SLC6A7: variants seen among roughly 807,000 people sequenced by gnomAD.
The protein encoded by SLC6A7 is solute carrier family 6 member 7, also known as sodium-dependent proline transporter.
A neutral mutation model predicts 73.1 loss-of-function variants in SLC6A7; 58 were observed. The ratio of observed to expected loss-of-function variants is 0.79; its 90% CI spans 0.64 to 0.99. The LOEUF is 0.99. Ranked by LOEUF, SLC6A7 falls within the 50% of genes least tolerant of loss-of-function variation. SLC6A7 has a pLI of 0.00. For missense variants in SLC6A7, 783 were observed against 831.4 expected (o/e 0.94, Z 0.72); for synonymous variants, 338 against 338.7 (o/e 1.00, Z 0.02).
Position 150,210,032 on chromosome 5 carries a change from G to A in SLC6A7, c.*417G>A, listed in dbSNP as rs1359001940. 2 of 221,390 alleles carry A rather than the reference G, an allele frequency of 9.0e-6. No homozygotes were observed. The highest frequency in any genetic ancestry group is 7.8e-5 in the South Asian group (1 of 12,786). 13.7% of individuals were successfully genotyped at this position (221,390 alleles called of 1,614,324 possible). ...GCCTACACCCCTCCCTTTTTGGGGG[G>A]AGCCTGTCCCCACACACCTTAGCAC... On this transcript the variant is annotated 3_prime_UTR_variant, in exon 14 of 14. Coordinates refer to ENST00000230671, the MANE Select transcript of SLC6A7 (RefSeq NM_014228.5).
At chr5:150,199,895 C>A (rs115455072) in intron 5 of SLC6A7, among the ~76,000 whole-genome samples, 1 of 152,144 alleles carries the variant, frequency 6.6e-6, no homozygotes, top group East Asian at 1.9e-4. Context: ...CAGCTCTAGG[C>A]GTACATCTAA....
chr5:150,191,308 T>A (rs1458474428), intron 1 of SLC6A7, among the ~76,000 whole-genome samples: 1 of 152,132 alleles, frequency 6.6e-6, no homozygotes, highest in East Asian at 1.9e-4. Context: ...GGGCTGGTGT[T>A]ATCAACCTCC....
chr5:150,205,288 T>TG (rs5872166), intron 12 of SLC6A7, among the ~76,000 whole-genome samples, 168 bp from the exon 13 acceptor site: 152,298 of 152,300 alleles, frequency 1, 76,148 homozygotes, highest in Non-Finnish European at 1. Context: ...GGCTAAACCC[T>TG]CAAAGGCTCC....
chr5:150,197,372 G>T, intron 4 of SLC6A7, 96 bp downstream of exon 4: 1 of 774,606 alleles, frequency 1.3e-6, no homozygotes, highest in Non-Finnish European at 2.1e-6. Flanking sequence ...GTACCGCCAA[G>T]ATGAGCTCAG....
intron 12 of SLC6A7, among the ~76,000 whole-genome samples, 200 bp from the exon 13 acceptor site, chr5:150,205,256 T>G (rs13170839): frequency 0.3 from 45,199 of 149,742 alleles, 7,127 homozygotes; most frequent in Admixed American, 0.41. Flanking sequence ...GCCTTGGTGT[T>G]GGGTCAGCTT....
At position 150,207,605 on chromosome 5, in the gene SLC6A7, G is replaced by A. The variant is rs374032484; in HGVS notation, c.1702-1801G>A. Among the ~76,000 whole-genome samples the A allele has an allele frequency of 2.2e-4, 34 of 152,316 alleles. No individual in the cohort carries two copies. In the East Asian group the frequency reaches 4.6e-3, roughly 21 times the overall value. On this transcript the variant is annotated intron_variant, in intron 13 of 13. Coordinates refer to ENST00000230671, the MANE Select transcript of SLC6A7 (RefSeq NM_014228.5). ...GAAGTTTATCAATATAGTCTGCATT[G>A]TGAAAGGCAGAAAAGCAAAATATTT...
rs865996489 is a variant in SLC6A7 at position 150,205,587 on chromosome 5, G to A, written c.1665G>A (p.Leu555=). ...LSCLMIPAGM[L]VAVLREEGSL... ...GCCTCATGATCCCAGCTGGCATGCT[G>A]GTGGCTGTGCTTCGAGAAGAGGGCT... The change falls in exon 13 of 14, where the codon CTG becomes CTA. Residue 555 remains leucine, a synonymous_variant. Coordinates refer to ENST00000230671, the MANE Select transcript of SLC6A7 (RefSeq NM_014228.5). The A allele has an allele frequency of 1.9e-6, 3 of 1,613,168 alleles. No individual in the cohort carries two copies. Among genetic ancestry groups the A allele is most frequent in the Middle Eastern group, 3.3e-4 (2 of 6,036 alleles).
chr5:150,204,922 C>T lies in SLC6A7; in HGVS notation c.1528C>T (p.Leu510Phe). Reference protein sequence around the residue: ...ACWLFLSPATLLALMVYSIVK... With the variant: ...ACWLFLSPATFLALMVYSIVK... ...CTGGCTGTTCCTGTCCCCAGCCACG[C>T]TCTTGGTAACTGGGGAGGGCGGGAG... The change falls in exon 12 of 14, where the codon CTC becomes TTC. Residue 510 changes from leucine (L) to phenylalanine (F), a missense_variant. Transcript: ENST00000230671. 1.2e-6 allele frequency: 1 copy of T among 862,726 alleles called. No individual in the cohort carries two copies. Among genetic ancestry groups the T allele is most frequent in the Non-Finnish European group, 1.9e-6 (1 of 527,558 alleles). 53.4% of individuals were successfully genotyped at this position (862,726 alleles called of 1,614,324 possible).
At chr5:150,205,394 C>A in intron 12 of SLC6A7, 62 bp from the exon 13 acceptor site, 1 of 1,305,494 alleles carries the variant, frequency 7.7e-7, no homozygotes, top group Admixed American at 2.6e-5. Flanking sequence ...GGCTGGGCTA[C>A]CTCGGGCCTT....
At position 150,202,459 on chromosome 5, in the gene SLC6A7, C is replaced by T. The variant is rs940028242; in HGVS notation, c.962+9C>T. On this transcript the variant is annotated intron_variant, in intron 7 of 13. Transcript: ENST00000230671. ...CACCAGAACATCTATAGGTCAGTGT[C>T]CCACAGCCTCCCAGACCCTGGGGTC... 3 of 1,611,942 alleles carry T rather than the reference C, an allele frequency of 1.9e-6. No homozygotes were observed. The highest frequency in any genetic ancestry group is 1.3e-5 in the African/African-American group (1 of 74,900).
chr5:150,204,788 C>CGGCGGGT, intron 11 of SLC6A7, 39 bp from the exon 12 acceptor site: 1 of 1,474,246 alleles, frequency 6.8e-7, no homozygotes, highest in Non-Finnish European at 9.5e-7. Flanking sequence ...TTTGTGGGGC[C>CGGCGGGT]GGCGGGTGGG....
At chr5:150,192,466 G>A (rs1365118624) in intron 1 of SLC6A7, among the ~76,000 whole-genome samples, 1 of 152,178 alleles carries the variant, frequency 6.6e-6, no homozygotes, top group Non-Finnish European at 1.5e-5. Context: ...CACCCAGGAA[G>A]AAGTATGAAG....
intron 4 of SLC6A7, 118 bp downstream of exon 4, chr5:150,197,394 A>G (rs2113972283): frequency 1.5e-6 from 1 of 648,848 alleles, no homozygotes; most frequent in African/African-American, 1.8e-5. Flanking sequence ...TGGTGATGGC[A>G]GGTGGACTCT....
In SLC6A7 at chr5:150,209,554, T is replaced by G. The variant is rs1300507225; in HGVS notation, c.1850T>G (p.Phe617Cys). ...CGCAAGTACGGGGGCATCACCAGCT[T>G]CGAGAACACGGCCATCGAGGTGGAC... ...HMRKYGGITS[F>C]ENTAIEVDRE... Residue 617 changes from phenylalanine (F) to cysteine (C), a missense_variant, in exon 14 of 14, where the codon TTC (phenylalanine) becomes TGC (cysteine). Phe to Cys is a radical substitution (Grantham distance 205). Transcript: ENST00000230671. 2 of 1,614,062 alleles carry G rather than the reference T, an allele frequency of 1.2e-6. No individual in the cohort carries two copies. Among genetic ancestry groups the G allele is most frequent in the East Asian group, 4.5e-5 (2 of 44,874 alleles).
chr5:150,198,115 G>GAA (rs1224170798), intron 4 of SLC6A7, among the ~76,000 whole-genome samples: 6,775 of 77,388 alleles, frequency 0.088, 468 homozygotes, highest in African/African-American at 0.14. Flanking sequence ...AAGAAAGAAA[G>GAA]AGAAAGAAAG....
At chr5:150,196,538 G>A (rs1379276111) in intron 2 of SLC6A7, among the ~76,000 whole-genome samples, 178 bp from the exon 3 acceptor site, 1 of 152,228 alleles carries the variant, frequency 6.6e-6, no homozygotes, top group Non-Finnish European at 1.5e-5. Context: ...GGCTCCAGAG[G>A]TGAGTAAATC....
chr5:150,197,678 G>T lies in SLC6A7; in HGVS notation c.584+402G>T, dbSNP rs187500870. ...CTCAGTTTCCTCCTCTGTAACAGGG[G>T]TTGGTAACAGTACCTGCTTCATAAG... is the stretch of plus-strand genomic sequence containing the variant. On this transcript the variant is annotated intron_variant, in intron 4 of 13. Coordinates refer to ENST00000230671, the MANE Select transcript of SLC6A7 (RefSeq NM_014228.5). Among the ~76,000 whole-genome samples the T allele has an allele frequency of 5.6e-4, 85 of 152,258 alleles. No individual in the cohort carries two copies. In the East Asian group the frequency reaches 0.012, roughly 21 times the overall value.
intron 13 of SLC6A7, among the ~76,000 whole-genome samples, chr5:150,207,600 G>T (rs1338989133): frequency 6.6e-6 from 1 of 152,186 alleles, no homozygotes; most frequent in Non-Finnish European, 1.5e-5. Flanking sequence ...AATATAGTCT[G>T]CATTGTGAAA....
intron 1 of SLC6A7, among the ~76,000 whole-genome samples, chr5:150,191,252 G>A (rs1752768987): frequency 6.6e-6 from 1 of 152,200 alleles, no homozygotes; most frequent in Admixed American, 6.5e-5. Context: ...GTGAGGTGTG[G>A]GGAAGAATGC....
Sources: gnomAD v4.1 joint callset for allele counts (sites outside exome capture counted in the v4.1 genomes callset) on GRCh38, gnomAD v4.1.1 for gene constraint, MANE v1.5 for transcripts, NCBI Gene and HGNC (gene_info 2026-07-23, HGNC 2026-07-21) for gene names.